The following RBMS3 variants were observed in gnomAD, a reference collection of about 807,000 sequenced individuals.
RBMS3 encodes the protein RNA binding motif single stranded interacting protein 3.
Under a neutral mutation model 66.8 loss-of-function variants are expected in RBMS3, and 27 were observed. The observed-to-expected ratio is 0.40, with a 90% CI of 0.30 to 0.56. The LOEUF (loss-of-function observed/expected upper bound fraction) is 0.56, where lower values mean the gene tolerates loss of function less well. Ranked by LOEUF, RBMS3 falls within the 20% of genes least tolerant of loss-of-function variation. RBMS3 has a pLI of 0.40. For missense variants in RBMS3, 513 were observed against 549.5 expected (o/e 0.93, Z 0.66); for synonymous variants, 188 against 183.0 (o/e 1.03, Z -0.22).
chr3:29,319,305 G>A (rs2034872187), intron 1 of RBMS3, among the ~76,000 whole-genome samples: 1 of 151,948 alleles, frequency 6.6e-6, no homozygotes, highest in East Asian at 1.9e-4. Flanking sequence ...GAGCTTAAAA[G>A]TAAAGGCAGG....
chr3:29,973,873 T>C (rs915861459), intron 12 of RBMS3, among the ~76,000 whole-genome samples: 12 of 151,946 alleles, frequency 7.9e-5, no homozygotes, highest in African/African-American at 2.9e-4. Context: ...CTTTTCTGTT[T>C]ATTGTTGCCC....
chr3:29,867,837 C>T (rs1283198368), intron 6 of RBMS3, among the ~76,000 whole-genome samples: 1 of 151,742 alleles, frequency 6.6e-6, no homozygotes, highest in African/African-American at 2.4e-5. Context: ...TAATGAGTAA[C>T]AGTTGTGCAG....
chr3:29,562,448 A>T (rs919095880), intron 3 of RBMS3, among the ~76,000 whole-genome samples: 4 of 152,278 alleles, frequency 2.6e-5, no homozygotes, highest in African/African-American at 9.6e-5. Flanking sequence ...AAGAGATCAC[A>T]TCTGTACACT....
rs547298226 is a variant in RBMS3 at position 29,586,918 on chromosome 3, T to C, written c.308-196T>C. ...ACAATGGCTAGAAAATAAGAGTTAC[T>C]ATTTTATGTCTAGAGACATTATGAT... On this transcript the variant is annotated intron_variant, in intron 3 of 14. Coordinates refer to ENST00000383767, the MANE Select transcript of RBMS3 (RefSeq NM_001003793.3). 2.0e-5 allele frequency among the ~76,000 whole-genome samples: 3 copies of C among 152,238 alleles called. 1 individual carries two copies. In the South Asian group the frequency reaches 6.2e-4, roughly 32 times the overall value.
chr3:29,736,987 T>G (rs1213403466), intron 4 of RBMS3, among the ~76,000 whole-genome samples: 1 of 144,726 alleles, frequency 6.9e-6, no homozygotes, highest in East Asian at 2.0e-4. Flanking sequence ...ACACAAAGTG[T>G]TTTTTTTTTG....
chr3:29,555,583 G>A (rs1032891128), intron 3 of RBMS3, among the ~76,000 whole-genome samples: 1 of 152,100 alleles, frequency 6.6e-6, no homozygotes, highest in South Asian at 2.1e-4. Flanking sequence ...AGAAAACAAG[G>A]TGCAAGAAAT....
In RBMS3 at chr3:29,532,584, A is replaced by G. The variant is rs932487313; in HGVS notation, c.307+44085A>G. On this transcript the variant is annotated intron_variant, in intron 3 of 14. Coordinates refer to ENST00000383767, the MANE Select transcript of RBMS3 (RefSeq NM_001003793.3). ...ACAAAAAAATAAAATTTAAAAAATT[A>G]GCCAGGCATGGTGGTGTGTGCCTGT... 4.6e-5 allele frequency among the ~76,000 whole-genome samples: 7 copies of G among 152,254 alleles called. No homozygotes were observed. The East Asian group carries it at 1.4e-3, about 29-fold the overall frequency.
At chr3:29,735,959 A>G (rs140942187) in intron 4 of RBMS3, among the ~76,000 whole-genome samples, 2,321 of 152,278 alleles carry the variant, frequency 0.015, 40 homozygotes, top group Middle Eastern at 0.041. Context: ...AAAATTATAA[A>G]AAGATCTTTT....
chr3:29,823,591 A>G (rs1276691600), intron 6 of RBMS3, among the ~76,000 whole-genome samples: 2 of 152,210 alleles, frequency 1.3e-5, no homozygotes, highest in East Asian at 3.8e-4. Context: ...ACCACCAAAT[A>G]TGGTGGCTTT....
chr3:29,363,207 A>G (rs1478001906), intron 1 of RBMS3, among the ~76,000 whole-genome samples: 2 of 152,202 alleles, frequency 1.3e-5, no homozygotes, highest in African/African-American at 2.4e-5. Context: ...TTATTCAGAA[A>G]GTTGGATACA....
chr3:29,471,127 CA>C (rs1370642026), intron 2 of RBMS3, among the ~76,000 whole-genome samples: 17 of 151,938 alleles, frequency 1.1e-4, no homozygotes, highest in Non-Finnish European at 2.4e-4. Flanking sequence ...AACACACAAA[CA>C]AAAAAATATA....
At chr3:29,671,416 TGGAC>T (rs1395734236) in intron 4 of RBMS3, among the ~76,000 whole-genome samples, 26 of 152,328 alleles carry the variant, frequency 1.7e-4, no homozygotes, top group Admixed American at 1.7e-3. Flanking sequence ...AGAACAAAGC[TGGAC>T]GGAGAATGAC....
intron 4 of RBMS3, among the ~76,000 whole-genome samples, chr3:29,675,345 T>A (rs1034001004): frequency 6.6e-6 from 1 of 151,906 alleles, no homozygotes; most frequent in East Asian, 1.9e-4. Context: ...CTAGGCAGTA[T>A]CATTCAGGAC....
intron 3 of RBMS3, among the ~76,000 whole-genome samples, chr3:29,531,145 A>G (rs963123688): frequency 7.9e-5 from 12 of 152,200 alleles, no homozygotes; most frequent in Non-Finnish European, 1.5e-4. Context: ...GAAACTTCGT[A>G]TTTTGTTACC....
chr3:29,743,260 T>C (rs143061078), intron 5 of RBMS3, among the ~76,000 whole-genome samples: 1 of 152,310 alleles, frequency 6.6e-6, no homozygotes, highest in South Asian at 2.1e-4. Flanking sequence ...TTTCTCCTTT[T>C]AAAAATATTA....
intron 1 of RBMS3, among the ~76,000 whole-genome samples, chr3:29,296,671 C>G (rs1244338369): frequency 6.6e-6 from 1 of 151,704 alleles, no homozygotes; most frequent in African/African-American, 2.4e-5. Flanking sequence ...TAAAATATGT[C>G]TAGAAGATGG....
chr3:29,929,588 C>CT (rs530526754), intron 10 of RBMS3, among the ~76,000 whole-genome samples: 32 of 103,536 alleles, frequency 3.1e-4, no homozygotes, highest in Non-Finnish European at 7.5e-4. Context: ...AATATTATAA[C>CT]TTTAAAAAAA....
chr3:29,768,270 G>T (rs937099764), intron 6 of RBMS3, among the ~76,000 whole-genome samples: 1 of 151,898 alleles, frequency 6.6e-6, no homozygotes, highest in African/African-American at 2.4e-5. Context: ...TGGAGTCTGA[G>T]AATCTATGTG....
chr3:29,786,613 T>C (rs1006403349), intron 6 of RBMS3, among the ~76,000 whole-genome samples: 2 of 152,224 alleles, frequency 1.3e-5, no homozygotes, highest in Admixed American at 6.5e-5. Flanking sequence ...TATTCACAAA[T>C]GGTGCTGGCA....
Sources: allele counts gnomAD v4.1 joint callset (sites outside exome capture counted in the v4.1 genomes callset), GRCh38; gene constraint gnomAD v4.1.1; transcripts MANE v1.5; gene names NCBI Gene and HGNC (gene_info 2026-07-23, HGNC 2026-07-21).